The following FARS2 variants were observed in gnomAD, a reference collection of about 807,000 sequenced individuals.
FARS2 encodes phenylalanyl-tRNA synthetase 2, mitochondrial.
FARS2 carries 40 observed loss-of-function variants against 46.4 expected under a neutral mutation model. The observed-to-expected ratio is 0.86, with a 90% CI of 0.67 to 1.12. The LOEUF is 1.12. Ranked by LOEUF, FARS2 falls within the 50% of genes most tolerant of loss-of-function variation. FARS2 has a pLI of 0.00. For synonymous variants in FARS2, 234 were observed against 214.9 expected (o/e 1.09, Z -0.78); for missense variants, 513 against 567.9 (o/e 0.90, Z 0.98).
intron 4 of FARS2, among the ~76,000 whole-genome samples, chr6:5,440,778 A>G (rs1193134108): frequency 6.6e-6 from 1 of 151,806 alleles, no homozygotes; most frequent in Non-Finnish European, 1.5e-5. Flanking sequence ...TCCCACCTCA[A>G]CCTCCCAAGT....
intron 2 of FARS2, among the ~76,000 whole-genome samples, chr6:5,376,881 A>C (rs1437731140): frequency 6.6e-5 from 10 of 152,214 alleles, no homozygotes; most frequent in Admixed American, 1.3e-4. Flanking sequence ...AGTAGATGTG[A>C]AAAAATATAT....
intron 4 of FARS2, among the ~76,000 whole-genome samples, chr6:5,505,446 A>G (rs1356544488): frequency 6.6e-6 from 1 of 152,226 alleles, no homozygotes; most frequent in Non-Finnish European, 1.5e-5. Context: ...TTTTGGATTT[A>G]AGAGAAGAAA....
At chr6:5,635,755 C>T (rs757593988) in intron 6 of FARS2, among the ~76,000 whole-genome samples, 8 of 152,052 alleles carry the variant, frequency 5.3e-5, no homozygotes, top group African/African-American at 7.2e-5. Flanking sequence ...GATTTAGGCC[C>T]GAAGCCCACC....
At chr6:5,565,573 CTT>C (rs562607884) in intron 5 of FARS2, among the ~76,000 whole-genome samples, 274 of 152,296 alleles carry the variant, frequency 1.8e-3, no homozygotes, top group Non-Finnish European at 2.6e-3. Flanking sequence ...TTTACAGTAA[CTT>C]TACCATTAAT....
chr6:5,415,412 T>G (rs1762182152), intron 3 of FARS2, among the ~76,000 whole-genome samples: 1 of 144,178 alleles, frequency 6.9e-6, no homozygotes. Flanking sequence ...CCTCCTGGGT[T>G]CAAGCAGTTC....
intron 1 of FARS2, among the ~76,000 whole-genome samples, chr6:5,362,641 T>G (rs980580539): frequency 6.6e-6 from 1 of 152,150 alleles, no homozygotes; most frequent in African/African-American, 2.4e-5. Context: ...ATTTTTAAAT[T>G]TTTTTGAACC....
rs369326765 is a variant in FARS2, at chr6:5,759,607, C to T, written c.1218-11684C>T. On this transcript the variant is annotated intron_variant, in intron 6 of 6. Transcript: ENST00000274680. The stretch of plus-strand genomic sequence containing the variant: ...TATGTGCTGCTTCCAGGGTCCCTTT[C>T]GACTCTGACCACCAGTGGTCCTGGC... Among the ~76,000 whole-genome samples the T allele has an allele frequency of 2.6e-4, 40 of 152,224 alleles. No homozygotes were observed. In the East Asian group the frequency reaches 5.2e-3, roughly 20 times the overall value.
chr6:5,386,187 T>C (rs1760122973), intron 2 of FARS2, among the ~76,000 whole-genome samples: 1 of 152,058 alleles, frequency 6.6e-6, no homozygotes, highest in African/African-American at 2.4e-5. Flanking sequence ...AACATTATAG[T>C]TGTACAGGCA....
At chr6:5,378,619 C>T (rs151061595) in intron 2 of FARS2, among the ~76,000 whole-genome samples, 55 of 152,264 alleles carry the variant, frequency 3.6e-4, no homozygotes, top group Middle Eastern at 3.4e-3. Flanking sequence ...TTATTCTCCA[C>T]CGTGTGGTTA....
intron 3 of FARS2, among the ~76,000 whole-genome samples, chr6:5,423,729 A>G (rs1762691212): frequency 6.6e-6 from 1 of 152,134 alleles, no homozygotes; most frequent in African/African-American, 2.4e-5. Flanking sequence ...GAATGGTTTT[A>G]TTCCACTTGG....
chr6:5,732,563 C>A (rs537671843), intron 6 of FARS2, among the ~76,000 whole-genome samples: 7,634 of 152,266 alleles, frequency 0.05, 639 homozygotes, highest in African/African-American at 0.18. Context: ...TTGGGCCCAT[C>A]AAGAGAGAAT....
chr6:5,493,209 C>CA (rs34541325), intron 4 of FARS2, among the ~76,000 whole-genome samples: 12,455 of 92,494 alleles, frequency 0.13, 683 homozygotes, highest in Admixed American at 0.19. Context: ...GACTGTGTCT[C>CA]AAAAAAAAAA....
chr6:5,544,757 T>A (rs1561701093), intron 4 of FARS2, among the ~76,000 whole-genome samples: 1 of 152,236 alleles, frequency 6.6e-6, no homozygotes, highest in Admixed American at 6.5e-5. Flanking sequence ...TTATGGCCAC[T>A]ATGGCATGTT....
At position 5,286,619 on chromosome 6, in the gene FARS2, A is replaced by G. The variant is rs371435638; in HGVS notation, c.-22+24959A>G. Among the ~76,000 whole-genome samples, 3 of 152,296 alleles carry G rather than the reference A, an allele frequency of 2.0e-5. No homozygotes were observed. In the South Asian group the frequency reaches 6.2e-4, roughly 32 times the overall value. On this transcript the variant is annotated intron_variant, in intron 1 of 6. Coordinates refer to ENST00000274680, the MANE Select transcript of FARS2 (RefSeq NM_006567.5). ...TACTACCCATGCTCTATCACTCTGT[A>G]TGTAGAAATAAATTACGTATATGTG...
At chr6:5,404,472 A>T in intron 2 of FARS2, 70 bp from the exon 3 acceptor site, 1 of 1,076,316 alleles carries the variant, frequency 9.3e-7, no homozygotes. Flanking sequence ...TTCTTAGCAG[A>T]ATTTTAAAGT....
At chr6:5,411,154 C>A (rs1761923231) in intron 3 of FARS2, among the ~76,000 whole-genome samples, 1 of 152,206 alleles carries the variant, frequency 6.6e-6, no homozygotes, top group African/African-American at 2.4e-5. Flanking sequence ...TGGCTCACGC[C>A]TGTAGTCCCA....
intron 6 of FARS2, among the ~76,000 whole-genome samples, chr6:5,633,356 A>G (rs1316218447): frequency 1.5e-5 from 2 of 137,054 alleles, no homozygotes; most frequent in African/African-American, 5.6e-5. Flanking sequence ...GCTCACTGCA[A>G]CCTCCGCTTC....
At chr6:5,309,632 AAAT>A (rs1374377741) in intron 1 of FARS2, among the ~76,000 whole-genome samples, 6 of 152,264 alleles carry the variant, frequency 3.9e-5, no homozygotes, top group African/African-American at 1.4e-4. Flanking sequence ...ACCTGTGGAT[AAAT>A]CTGAAATAAG....
At chr6:5,381,339 A>C (rs1759763208) in intron 2 of FARS2, among the ~76,000 whole-genome samples, 1 of 150,146 alleles carries the variant, frequency 6.7e-6, no homozygotes, top group African/African-American at 2.5e-5. Context: ...CCTATTTGAG[A>C]GTCTGATGAG....
Sources: allele counts gnomAD v4.1 joint callset (sites outside exome capture counted in the v4.1 genomes callset), GRCh38; gene constraint gnomAD v4.1.1; transcripts MANE v1.5; gene names NCBI Gene and HGNC (gene_info 2026-07-23, HGNC 2026-07-21).